Variants in FAM174B observed in about 807,000 individuals in gnomAD.
The protein encoded by FAM174B is membrane protein FAM174B.
Under a neutral mutation model 10.9 loss-of-function variants are expected in FAM174B, and 12 were observed. The ratio of observed to expected loss-of-function variants is 1.10; its 90% confidence interval spans 0.71 to 1.79. The LOEUF is 1.79. Ranked by LOEUF, FAM174B falls within the 40% of genes most tolerant of loss-of-function variation. The pLI is 0.00. For missense variants in FAM174B, 266 were observed against 233.3 expected, an observed-to-expected ratio of 1.14 and a Z score of -0.91; for synonymous variants, 132 against 115.8, an observed-to-expected ratio of 1.14 and a Z score of -0.90.
intron 1 of FAM174B, among the ~76,000 whole-genome samples, chr15:92,648,202 G>A (rs1011934156): frequency 1.3e-5 from 2 of 151,986 alleles, no homozygotes; most frequent in Non-Finnish European, 2.9e-5. Context: ...GACCACCTCG[G>A]GCCCACGTTC....
chr15:92,633,260 T>C (rs563047433), intron 1 of FAM174B, among the ~76,000 whole-genome samples: 1 of 152,184 alleles, frequency 6.6e-6, no homozygotes, highest in Non-Finnish European at 1.5e-5. Flanking sequence ...CTCCAGTAAG[T>C]TGGCAAAATG....
At chr15:92,623,739 C>T (rs566796769) in intron 2 of FAM174B, among the ~76,000 whole-genome samples, 4 of 152,282 alleles carry the variant, frequency 2.6e-5, no homozygotes, top group African/African-American at 4.8e-5. Flanking sequence ...ACGGAGAAGC[C>T]GGAGGGAGGA....
chr15:92,630,039 TAGC>T, intron 2 of FAM174B, 172 bp downstream of exon 2: 1 of 512,600 alleles, frequency 2.0e-6, no homozygotes, highest in Non-Finnish European at 3.5e-6. Context: ...ATGTCTTTAT[TAGC>T]AGCATGAAAA....
chr15:92,633,714 G>T (rs944827894), intron 1 of FAM174B, among the ~76,000 whole-genome samples: 10 of 152,228 alleles, frequency 6.6e-5, no homozygotes, highest in African/African-American at 2.4e-4. Context: ...TGGGACAACA[G>T]TATTTAGAAA....
intron 1 of FAM174B, among the ~76,000 whole-genome samples, chr15:92,640,099 C>T (rs1274070660): frequency 1.3e-5 from 2 of 152,038 alleles, no homozygotes; most frequent in East Asian, 3.8e-4. Context: ...TGTTGATAAC[C>T]ACCCATATCT....
chr15:92,625,538 A>G (rs1434312082), intron 2 of FAM174B, among the ~76,000 whole-genome samples: 1 of 152,242 alleles, frequency 6.6e-6, no homozygotes, highest in African/African-American at 2.4e-5. Context: ...TCACAAAAAC[A>G]CTAAACCAAA....
intron 2 of FAM174B, among the ~76,000 whole-genome samples, chr15:92,626,817 C>A (rs1025461854): frequency 1.3e-5 from 2 of 152,046 alleles, no homozygotes; most frequent in African/African-American, 4.8e-5. Flanking sequence ...CTTTGGGAGG[C>A]CGAGGCGGGT....
chr15:92,644,379 C>T (rs1172350198), intron 1 of FAM174B, among the ~76,000 whole-genome samples: 1 of 152,182 alleles, frequency 6.6e-6, no homozygotes, highest in Non-Finnish European at 1.5e-5. Context: ...GAAATCTCAT[C>T]TTACTCCACT....
chr15:92,648,483 T>C (rs1317295814), intron 1 of FAM174B, among the ~76,000 whole-genome samples: 3 of 152,302 alleles, frequency 2.0e-5, no homozygotes, highest in African/African-American at 7.2e-5. Context: ...GAGACCTCGC[T>C]GGACAGGGCC....
intron 1 of FAM174B, among the ~76,000 whole-genome samples, chr15:92,651,280 C>A (rs553069885): frequency 4.6e-5 from 7 of 152,284 alleles, no homozygotes; most frequent in Non-Finnish European, 7.3e-5. Flanking sequence ...AAGCCCCACT[C>A]CCAGGTGTAC....
At chr15:92,624,655 T>C (rs1023742722) in intron 2 of FAM174B, among the ~76,000 whole-genome samples, 2 of 152,194 alleles carry the variant, frequency 1.3e-5, no homozygotes, top group African/African-American at 4.8e-5. Flanking sequence ...TTTCTAATTA[T>C]ACTCCCAAAG....
chr15:92,619,613 G>A (rs1049461138), intron 2 of FAM174B, 154 bp from the exon 3 acceptor site: 26 of 792,386 alleles, frequency 3.3e-5, no homozygotes, highest in East Asian at 1.6e-4. Flanking sequence ...TCTGGAAGGC[G>A]CAATCCACTC....
chr15:92,644,129 C>T (rs1019297868), intron 1 of FAM174B, among the ~76,000 whole-genome samples: 1 of 152,142 alleles, frequency 6.6e-6, no homozygotes, highest in Non-Finnish European at 1.5e-5. Context: ...AAGAACATGA[C>T]TCAGAACCCA....
chr15:92,619,531 C>T (rs988203425), intron 2 of FAM174B, 72 bp from the exon 3 acceptor site: 22 of 1,534,726 alleles, frequency 1.4e-5, no homozygotes, highest in Admixed American at 1.8e-5. Flanking sequence ...CCCTCCTGAA[C>T]ATCTCTATCC....
intron 1 of FAM174B, among the ~76,000 whole-genome samples, chr15:92,642,469 C>T (rs886697486): frequency 6.6e-6 from 1 of 152,172 alleles, no homozygotes; most frequent in African/African-American, 2.4e-5. Context: ...ATTGTAGTTC[C>T]CATAATCCCC....
chr15:92,629,259 C>A (rs2050774718), intron 2 of FAM174B, among the ~76,000 whole-genome samples: 1 of 152,216 alleles, frequency 6.6e-6, no homozygotes, highest in Admixed American at 6.5e-5. Context: ...GAGCCCTCGT[C>A]TCAAAACTAT....
intron 1 of FAM174B, among the ~76,000 whole-genome samples, chr15:92,631,574 A>C (rs1167690515): frequency 1.5e-5 from 2 of 137,444 alleles, no homozygotes; most frequent in African/African-American, 5.6e-5. Context: ...GGCTCACTGC[A>C]AGCTCCGCCT....
At chr15:92,630,877 T>C (rs1212920199) in intron 1 of FAM174B, among the ~76,000 whole-genome samples, 2 of 52,732 alleles carry the variant, frequency 3.8e-5, no homozygotes, top group African/African-American at 8.8e-5. Context: ...ATATTATATA[T>C]TATATATTAC....
chr15:92,627,824 C>T (rs1004437410), intron 2 of FAM174B, among the ~76,000 whole-genome samples: 4 of 152,182 alleles, frequency 2.6e-5, no homozygotes, highest in Non-Finnish European at 4.4e-5. Context: ...GTAATAAGGA[C>T]ATGGTTTTCT....
Sources: allele counts gnomAD v4.1 joint callset (sites outside exome capture counted in the v4.1 genomes callset), GRCh38; gene constraint gnomAD v4.1.1; transcripts MANE v1.5; gene names NCBI Gene and HGNC (gene_info 2026-07-23, HGNC 2026-07-21).